Variants in APAF1 observed in about 807,000 individuals in gnomAD.
The protein encoded by APAF1 is apoptotic peptidase activating factor 1, also known as apoptotic protease-activating factor 1.
APAF1 carries 91 observed loss-of-function variants against 152.4 expected under a neutral mutation model. The observed-to-expected ratio is 0.60, with a 90% CI of 0.50 to 0.71. The LOEUF (loss-of-function observed/expected upper bound fraction) is 0.71, where lower values mean the gene tolerates loss of function less well. Among genes scored for constraint, APAF1 ranks in the 30% least tolerant of loss-of-function variants. APAF1 has a pLI of 0.00. For synonymous variants in APAF1, 484 were observed against 494.1 expected, an observed-to-expected ratio of 0.98 and a Z score of 0.27; for missense variants, 1,283 against 1,472.0, an observed-to-expected ratio of 0.87 and a Z score of 2.10.
intron 10 of APAF1, among the ~76,000 whole-genome samples, chr12:98,670,565 A>G (rs1323013716): frequency 1.3e-5 from 2 of 151,920 alleles, no homozygotes; most frequent in South Asian, 2.1e-4. Flanking sequence ...AGTTTAATTT[A>G]TATTGCTTTC....
At chr12:98,710,626 G>C (rs1384243975) in intron 20 of APAF1, among the ~76,000 whole-genome samples, 1 of 152,152 alleles carries the variant, frequency 6.6e-6, no homozygotes, top group Non-Finnish European at 1.5e-5. Flanking sequence ...ATCTCACTAT[G>C]TTGACCACGC....
intron 16 of APAF1, among the ~76,000 whole-genome samples, chr12:98,694,955 A>G (rs2097708157): frequency 6.6e-6 from 1 of 151,568 alleles, no homozygotes; most frequent in Admixed American, 6.6e-5. Context: ...GCTCACTGCA[A>G]GATGGTGAAC....
intron 5 of APAF1, 82 bp downstream of exon 5, chr12:98,659,425 C>A: frequency 7.1e-7 from 1 of 1,405,254 alleles, no homozygotes; most frequent in Non-Finnish European, 1.0e-6. Context: ...GAACATCATG[C>A]CTTTTTCCTG....
chr12:98,715,260 ATATATATATATATATATATAT>A (rs2097733160), intron 21 of APAF1, among the ~76,000 whole-genome samples, 146 bp from the exon 22 acceptor site: 1 of 124,250 alleles, frequency 8.0e-6, no homozygotes, highest in East Asian at 2.4e-4. Flanking sequence ...ATATATATAT[ATATATATATATATATATATAT>A]GACATTCATT....
intron 21 of APAF1, among the ~76,000 whole-genome samples, chr12:98,713,352 TCTC>T (rs2097730290): frequency 6.6e-6 from 1 of 152,222 alleles, no homozygotes; most frequent in Non-Finnish European, 1.5e-5. Context: ...AGCATTTTTT[TCTC>T]CTCTTCTTAG....
chr12:98,648,007 T>C (rs1178903409), intron 1 of APAF1, among the ~76,000 whole-genome samples: 1 of 152,176 alleles, frequency 6.6e-6, no homozygotes, highest in Non-Finnish European at 1.5e-5. Flanking sequence ...TTTTTACATA[T>C]GTATTTGAAT....
intron 4 of APAF1, among the ~76,000 whole-genome samples, chr12:98,652,902 G>A (rs2097650746): frequency 6.6e-6 from 1 of 152,192 alleles, no homozygotes; most frequent in Non-Finnish European, 1.5e-5. Context: ...TGGTATTACA[G>A]GCGTGAGCCA....
At chr12:98,713,286 G>A (rs772694688) in intron 21 of APAF1, among the ~76,000 whole-genome samples, 9 of 151,868 alleles carry the variant, frequency 5.9e-5, no homozygotes, top group Non-Finnish European at 1.3e-4. Flanking sequence ...TAGTTGTTTG[G>A]CTGTTCTCCA....
intron 22 of APAF1, among the ~76,000 whole-genome samples, chr12:98,722,677 C>T (rs193046952): frequency 3.9e-5 from 6 of 152,222 alleles, no homozygotes; most frequent in South Asian, 2.1e-4. Flanking sequence ...TTCTCACTTC[C>T]GTCATTTTGA....
chr12:98,699,529 A>G lies in APAF1; in HGVS notation c.2426A>G (p.Asp809Gly), dbSNP rs2097713082. 1 of 1,614,202 alleles carries G rather than the reference A, an allele frequency of 6.2e-7. No homozygotes were observed. Among genetic ancestry groups the G allele is most frequent in the African/African-American group, 1.3e-5 (1 of 75,060 alleles). ...GTGAAGTGTTGTTCGTGGTCTGCTGATGGTGCAAGGATAATGGTGGCAGCA... is the reference window on the plus strand; with the variant it reads ...GTGAAGTGTTGTTCGTGGTCTGCTGGTGGTGCAAGGATAATGGTGGCAGCA... ...VIVKCCSWSA[D>G]GARIMVAAKN... Residue 809 changes from aspartate to glycine, a missense_variant, in exon 17 of 27, where the codon GAT becomes GGT. By Grantham distance (94) the Asp-to-Gly change is moderately conservative. Transcript: ENST00000551964.
At chr12:98,730,916 T>C (rs1160384888) in intron 26 of APAF1, among the ~76,000 whole-genome samples, 2 of 152,250 alleles carry the variant, frequency 1.3e-5, no homozygotes, top group Admixed American at 1.3e-4. Flanking sequence ...ACCTGCATTA[T>C]GCCACAGAGT....
chr12:98,648,314 T>C lies in APAF1; in HGVS notation c.-41-5T>C. 6.2e-7 allele frequency: 1 copy of C among 1,612,384 alleles called. No homozygotes were observed. The highest frequency in any genetic ancestry group is 8.5e-7 in the Non-Finnish European group (1 of 1,178,690). On this transcript the variant is annotated splice_region_variant and splice_polypyrimidine_tract_variant and intron_variant, in intron 1 of 26. Transcript: ENST00000551964. ...CTGACAAATATTTTGGTGTTTTGGCTGTAGCTCATGGTTGACAGCTCAGAG... is the reference window on the plus strand; with the variant it reads ...CTGACAAATATTTTGGTGTTTTGGCCGTAGCTCATGGTTGACAGCTCAGAG...
chr12:98,732,306 T>G, intron 26 of APAF1, 114 bp from the exon 27 acceptor site: 1 of 893,494 alleles, frequency 1.1e-6, no homozygotes, highest in Admixed American at 1.9e-5. Flanking sequence ...ATTTTCCTCC[T>G]GTTTGCTTGA....
chr12:98,662,945 T>C, intron 7 of APAF1, 139 bp downstream of exon 7: 2 of 683,144 alleles, frequency 2.9e-6, no homozygotes, highest in South Asian at 3.7e-5. Flanking sequence ...TTAGGTTCTC[T>C]GATATCTTAA....
At position 98,679,295 on chromosome 12, in the gene APAF1, G is replaced by C. The variant is rs527641331; in HGVS notation, c.1921-982G>C. On this transcript the variant is annotated intron_variant, in intron 13 of 26. Transcript: ENST00000551964. ...AGATGACAGGAGGACCAGCTGCAGA[G>C]AGGAGCTACCCTCTCTGCTGATAGC... 2.0e-5 allele frequency among the ~76,000 whole-genome samples: 3 copies of C among 152,310 alleles called. No individual in the cohort carries two copies. In the South Asian group the frequency reaches 6.2e-4, roughly 32 times the overall value.
intron 16 of APAF1, among the ~76,000 whole-genome samples, chr12:98,690,762 A>C (rs1178025266): frequency 6.6e-6 from 1 of 152,106 alleles, no homozygotes; most frequent in Non-Finnish European, 1.5e-5. Flanking sequence ...TGCTGTTCTT[A>C]AGCCCCTAAC....
chr12:98,727,818 G>A (rs1169382753), intron 26 of APAF1, among the ~76,000 whole-genome samples: 1 of 151,912 alleles, frequency 6.6e-6, no homozygotes. Flanking sequence ...GCATATGCCT[G>A]TAATCCCAGC....
chr12:98,713,614 G>A (rs1222088770), intron 21 of APAF1, among the ~76,000 whole-genome samples: 1 of 152,180 alleles, frequency 6.6e-6, no homozygotes, highest in Non-Finnish European at 1.5e-5. Flanking sequence ...TAAAAATATT[G>A]TTGTCTTTAT....
At chr12:98,664,232 T>G (rs781292200) in intron 7 of APAF1, among the ~76,000 whole-genome samples, 1 of 151,368 alleles carries the variant, frequency 6.6e-6, no homozygotes, top group Non-Finnish European at 1.5e-5. Context: ...TTGGCCAGGG[T>G]AGTCTTGAAC....
Sources: allele counts gnomAD v4.1 joint callset (sites outside exome capture counted in the v4.1 genomes callset), GRCh38; gene constraint gnomAD v4.1.1; transcripts MANE v1.5; gene names NCBI Gene and HGNC (gene_info 2026-07-23, HGNC 2026-07-21).